The following RIOK2 variants were observed in gnomAD, a reference collection of about 807,000 sequenced individuals.
The protein encoded by RIOK2 is serine/threonine-protein kinase RIO2.
In RIOK2, 46 loss-of-function variants were observed where a neutral mutation model predicts 62.4. The observed-to-expected ratio is 0.74, with a 90% CI of 0.58 to 0.94. The LOEUF (loss-of-function observed/expected upper bound fraction) is 0.94, where lower values mean the gene tolerates loss of function less well. Among genes scored for constraint, RIOK2 ranks in the 40% least tolerant of loss-of-function variants. The pLI, the probability that RIOK2 is intolerant of heterozygous loss-of-function variation, is 0.00. For missense variants in RIOK2, 574 were observed against 658.0 expected (o/e 0.87, Z 1.40); for synonymous variants, 197 against 216.0 (o/e 0.91, Z 0.77).
chr5:97,170,174 T>G (rs1449615902), intron 6 of RIOK2, among the ~76,000 whole-genome samples: 1 of 152,120 alleles, frequency 6.6e-6, no homozygotes, highest in Non-Finnish European at 1.5e-5. Context: ...GGAAAAAAGT[T>G]TCTCATAAAG....
At chr5:97,164,352 T>C (rs1287477980) in intron 9 of RIOK2, among the ~76,000 whole-genome samples, 1 of 151,860 alleles carries the variant, frequency 6.6e-6, no homozygotes, top group African/African-American at 2.4e-5. Context: ...AATACAAAAA[T>C]TAGCCAGCCA....
chr5:97,169,330 T>C lies in RIOK2; in HGVS notation c.780-478A>G, dbSNP rs537597106. ...GTTAAGTTTGGAGACTACTGAATTATGTTTATGTATCTTTGTTATCCATTA... is the reference window on the plus strand; with the variant it reads ...GTTAAGTTTGGAGACTACTGAATTACGTTTATGTATCTTTGTTATCCATTA... On this transcript the variant is annotated intron_variant, in intron 6 of 9. Coordinates refer to ENST00000283109, the MANE Select transcript of RIOK2 (RefSeq NM_018343.3). Among the ~76,000 whole-genome samples the C allele has an allele frequency of 5.8e-4, 88 of 152,326 alleles. 1 individual carries two copies. The highest frequency in any genetic ancestry group is 1.6e-3 in the African/African-American group (66 of 41,582).
intron 1 of RIOK2, among the ~76,000 whole-genome samples, chr5:97,180,144 A>ATATATATATG (rs1749357678): frequency 3.5e-5 from 2 of 57,548 alleles, no homozygotes; most frequent in African/African-American, 9.0e-5. Flanking sequence ...ATATATATGT[A>ATATATATATG]TATATATATA....
chr5:97,177,274 T>C lies in RIOK2; in HGVS notation c.340A>G (p.Asn114Asp). Residue 114 changes from asparagine to aspartate, a missense_variant, in exon 4 of 10, where the codon AAT becomes GAT. Transcript: ENST00000283109. ...AATGCAAATTGTTGTCCTTCTTCATTTGCAACAATGTAAATATCTAGAGAC... is the reference window on the plus strand; with the variant it reads ...AATGCAAATTGTTGTCCTTCTTCATCTGCAACAATGTAAATATCTAGAGAC... ...GKESDIYIVA[N>D]EEGQQFALKL... is the part of the protein sequence containing the mutation. The C allele has an allele frequency of 6.2e-7, 1 of 1,612,178 alleles. No homozygotes were observed. The highest frequency in any genetic ancestry group is 1.1e-5 in the South Asian group (1 of 90,850).
At chr5:97,177,363 T>G in intron 3 of RIOK2, 72 bp from the exon 4 acceptor site, 2 of 1,333,234 alleles carry the variant, frequency 1.5e-6, no homozygotes, top group Non-Finnish European at 2.0e-6. Context: ...TCTAACTTTC[T>G]CTAATTTTAT....
rs780981743 is a variant in RIOK2, at chr5:97,167,801, C to A, written c.1063G>T (p.Glu355Ter). The A allele has an allele frequency of 1.2e-6, 2 of 1,614,062 alleles. No individual in the cohort carries two copies. Among genetic ancestry groups the A allele is most frequent in the African/African-American group, 1.3e-5 (1 of 74,958 alleles). The change falls in exon 8 of 10, where the codon GAA becomes TAA. Residue 355 changes from glutamate (E) to a stop codon, truncating the protein, a stop_gained. Coordinates refer to ENST00000283109, the MANE Select transcript of RIOK2 (RefSeq NM_018343.3). LOFTEE classifies it high-confidence loss of function. ...AEVYGSENES[E>*]RNCLEESEGC... ...TCTGATTCTTCTAGACAGTTCCGTT[C>A]ACTTTCATTTTCTGACCCGTAAACC...
At chr5:97,169,455 A>C (rs1444541319) in intron 6 of RIOK2, among the ~76,000 whole-genome samples, 2 of 152,224 alleles carry the variant, frequency 1.3e-5, no homozygotes, top group Non-Finnish European at 2.9e-5. Flanking sequence ...CAATATCTGA[A>C]TATCAGGCTG....
chr5:97,172,312 G>C (rs1360519157), intron 5 of RIOK2, among the ~76,000 whole-genome samples: 1 of 152,150 alleles, frequency 6.6e-6, no homozygotes, highest in African/African-American at 2.4e-5. Context: ...CCAAAATGCT[G>C]TTCCTGTAGC....
chr5:97,168,263 T>C (rs1354955644), intron 7 of RIOK2, among the ~76,000 whole-genome samples: 1 of 152,234 alleles, frequency 6.6e-6, no homozygotes, highest in Non-Finnish European at 1.5e-5. Flanking sequence ...TTATTAACTT[T>C]GTAAATTAAC....
intron 1 of RIOK2, chr5:97,182,862 T>C: frequency 2.3e-6 from 1 of 430,896 alleles, no homozygotes; most frequent in South Asian, 2.3e-5. Flanking sequence ...GATGCAAGCG[T>C]TTCTCTTCAG....
chr5:97,176,888 G>A, intron 4 of RIOK2: 3 of 450,116 alleles, frequency 6.7e-6, no homozygotes, highest in South Asian at 5.1e-5. Context: ...ATTACAGAAT[G>A]TGTTGCCCTT....
intron 1 of RIOK2, chr5:97,182,683 T>A: frequency 4.5e-6 from 1 of 223,100 alleles, no homozygotes; most frequent in Non-Finnish European, 9.0e-6. Flanking sequence ...CTAATGTTGC[T>A]ACTAAAAAAC....
chr5:97,182,076 G>C (rs1580282270), intron 1 of RIOK2, among the ~76,000 whole-genome samples: 1 of 152,262 alleles, frequency 6.6e-6, no homozygotes, highest in African/African-American at 2.4e-5. Context: ...AATATAGGTA[G>C]TCCTTATCAT....
intron 5 of RIOK2, 47 bp downstream of exon 5, chr5:97,173,128 A>T (rs751938765): frequency 7.4e-7 from 1 of 1,352,790 alleles, no homozygotes; most frequent in Non-Finnish European, 1.0e-6. Flanking sequence ...CCTGAAACTT[A>T]AATTCATTTA....
At chr5:97,177,629 T>C in intron 3 of RIOK2, 103 bp downstream of exon 3, 3 of 737,438 alleles carry the variant, frequency 4.1e-6, no homozygotes, top group Non-Finnish European at 6.8e-6. Flanking sequence ...TCCAACTTAC[T>C]GTTTAGTTAG....
intron 5 of RIOK2, 112 bp from the exon 6 acceptor site, chr5:97,171,509 G>A (rs1224279387): frequency 1.8e-5 from 11 of 615,832 alleles, no homozygotes; most frequent in Non-Finnish European, 7.3e-6. Context: ...ATCCCCAGCA[G>A]CTTTCTTCTC....
intron 1 of RIOK2, among the ~76,000 whole-genome samples, chr5:97,181,730 C>T (rs1373634325): frequency 1.3e-5 from 2 of 152,090 alleles, no homozygotes; most frequent in African/African-American, 4.8e-5. Flanking sequence ...ACTTATTTTC[C>T]ATGCTTTGTC....
intron 7 of RIOK2, 63 bp downstream of exon 7, chr5:97,168,697 T>C: frequency 9.8e-7 from 1 of 1,025,318 alleles, no homozygotes. Flanking sequence ...ATGTTAATTT[T>C]TAGAAATACA....
rs139586061 is a variant in RIOK2 at position 97,177,280 on chromosome 5, C to A, written c.334G>T (p.Val112Phe). 48 of 1,611,382 alleles carry A rather than the reference C, an allele frequency of 3.0e-5. 1 individual carries two copies. The South Asian group carries it at 5.3e-4, about 18-fold the overall frequency. The change falls in exon 4 of 10, where the codon GTT becomes TTT. Residue 112 changes from valine (V) to phenylalanine (F), a missense_variant. Transcript: ENST00000283109. ...AATTGTTGTCCTTCTTCATTTGCAA[C>A]AATGTAAATATCTAGAGACAAAATT... ...GVGKESDIYI[V>F]ANEEGQQFAL...
Sources: allele counts gnomAD v4.1 joint callset (sites outside exome capture counted in the v4.1 genomes callset), GRCh38; gene constraint gnomAD v4.1.1; transcripts MANE v1.5; gene names NCBI Gene and HGNC (gene_info 2026-07-23, HGNC 2026-07-21).